The following CAMKMT variants were observed in gnomAD, a reference collection of about 807,000 sequenced individuals.
The protein encoded by CAMKMT is calmodulin-lysine N-methyltransferase.
CAMKMT carries 53 observed loss-of-function variants against 48.0 expected under a neutral mutation model. The observed-to-expected ratio is 1.10, with a 90% CI of 0.89 to 1.39. The LOEUF is 1.39. Ranked by LOEUF, CAMKMT falls within the 40% of genes most tolerant of loss-of-function variation. The probability of loss-of-function intolerance (pLI) is 0.00; values close to 1 mark genes in which losing one functional copy is unlikely to be tolerated. For synonymous variants in CAMKMT, 165 were observed against 152.3 expected (o/e 1.08, Z -0.61); for missense variants, 428 against 402.7 (o/e 1.06, Z -0.54).
At chr2:44,592,330 C>A (rs1404212521) in intron 3 of CAMKMT, among the ~76,000 whole-genome samples, 1 of 151,808 alleles carries the variant, frequency 6.6e-6, no homozygotes, top group Admixed American at 6.6e-5. Context: ...AGAACTTGTG[C>A]CTTCCATTTC....
intron 3 of CAMKMT, among the ~76,000 whole-genome samples, chr2:44,624,645 A>G (rs995552488): frequency 6.6e-6 from 1 of 152,200 alleles, no homozygotes; most frequent in African/African-American, 2.4e-5. Flanking sequence ...TGTTCCTACA[A>G]AGGACATGAA....
chr2:44,452,434 T>C (rs1171434884), intron 3 of CAMKMT, among the ~76,000 whole-genome samples: 1 of 152,050 alleles, frequency 6.6e-6, no homozygotes, highest in African/African-American at 2.4e-5. Flanking sequence ...GTTTGCCACA[T>C]GTGTGCCTGA....
intron 8 of CAMKMT, among the ~76,000 whole-genome samples, chr2:44,752,157 T>G (rs751593283): frequency 6.6e-6 from 1 of 152,074 alleles, no homozygotes; most frequent in Non-Finnish European, 1.5e-5. Flanking sequence ...ATCCTGGATA[T>G]TCCAGTACTG....
At chr2:44,702,789 C>A (rs1308143883) in intron 3 of CAMKMT, among the ~76,000 whole-genome samples, 1 of 152,188 alleles carries the variant, frequency 6.6e-6, no homozygotes, top group East Asian at 1.9e-4. Flanking sequence ...CCTGACTGGG[C>A]TTCCCTGCAA....
intron 3 of CAMKMT, among the ~76,000 whole-genome samples, chr2:44,564,041 G>A (rs913516560): frequency 1.3e-5 from 2 of 152,114 alleles, no homozygotes; most frequent in Non-Finnish European, 1.5e-5. Flanking sequence ...GATCCTTGAG[G>A]AATCGCCAAA....
chr2:44,458,808 T>G (rs1021487074), intron 3 of CAMKMT, among the ~76,000 whole-genome samples: 87 of 152,232 alleles, frequency 5.7e-4, no homozygotes, highest in African/African-American at 2.1e-3. Flanking sequence ...TTAAATTGTT[T>G]AAAAGTGTTT....
At chr2:44,645,543 G>A (rs758049271) in intron 3 of CAMKMT, among the ~76,000 whole-genome samples, 4 of 152,110 alleles carry the variant, frequency 2.6e-5, no homozygotes, top group Non-Finnish European at 5.9e-5. Context: ...AATCTAGACC[G>A]GGCACAATGG....
intron 2 of CAMKMT, among the ~76,000 whole-genome samples, chr2:44,376,419 CAAA>C (rs567674110): frequency 1.6e-4 from 17 of 104,782 alleles, no homozygotes; most frequent in East Asian, 3.0e-4. Context: ...GACTCTGTAT[CAAA>C]AAAAAAAAAA....
chr2:44,645,906 G>T (rs116852891), intron 3 of CAMKMT, among the ~76,000 whole-genome samples: 1 of 152,212 alleles, frequency 6.6e-6, no homozygotes, highest in Non-Finnish European at 1.5e-5. Flanking sequence ...GACTGACAGT[G>T]TCCTACTGAA....
At position 44,381,042 on chromosome 2, in the gene CAMKMT, C is replaced by G. The variant is rs183786504; in HGVS notation, c.311+8154C>G. Among the ~76,000 whole-genome samples the G allele has an allele frequency of 2.6e-3, 397 of 152,166 alleles. 1 individual carries two copies. Among genetic ancestry groups the G allele is most frequent in the African/African-American group, 9.0e-3 (372 of 41,534 alleles). On this transcript the variant is annotated intron_variant, in intron 2 of 10. Coordinates refer to ENST00000378494, the MANE Select transcript of CAMKMT (RefSeq NM_024766.5). The stretch of plus-strand genomic sequence containing the variant: ...GGGAGTGGTGGCAGACACCTGTAAT[C>G]CCAGCTACTCGGGAGGCTGAGGCAG...
intron 3 of CAMKMT, among the ~76,000 whole-genome samples, chr2:44,407,869 T>C (rs1384642681): frequency 6.6e-6 from 1 of 152,144 alleles, no homozygotes; most frequent in Admixed American, 6.5e-5. Flanking sequence ...TCATTGTCTC[T>C]TGCTGCACTT....
At chr2:44,374,857 G>A (rs1001536989) in intron 2 of CAMKMT, among the ~76,000 whole-genome samples, 1 of 151,972 alleles carries the variant, frequency 6.6e-6, no homozygotes, top group Non-Finnish European at 1.5e-5. Context: ...GTTAGTATCT[G>A]TCCACATTAG....
rs571388681 is a variant in CAMKMT, at chr2:44,584,089, G to A, written c.377-120194G>A. On this transcript the variant is annotated intron_variant, in intron 3 of 10. Coordinates refer to ENST00000378494, the MANE Select transcript of CAMKMT (RefSeq NM_024766.5). ...TCCCCAGGCTCCTGGATTGTTTTTC[G>A]AGTTTCAGATAAATGAAATCACATA... Among the ~76,000 whole-genome samples, 7 of 152,114 alleles carry A rather than the reference G, an allele frequency of 4.6e-5. No individual in the cohort carries two copies. The South Asian group carries it at 6.2e-4, about 14-fold the overall frequency.
intron 3 of CAMKMT, among the ~76,000 whole-genome samples, chr2:44,559,644 G>A (rs1345250998): frequency 6.6e-6 from 1 of 152,074 alleles, no homozygotes; most frequent in East Asian, 1.9e-4. Flanking sequence ...GTCTAGTTGA[G>A]CAGACTAGTA....
chr2:44,588,887 C>T (rs1392642733), intron 3 of CAMKMT, among the ~76,000 whole-genome samples: 1 of 21,206 alleles, frequency 4.7e-5, no homozygotes. Context: ...GGTCAGCCCC[C>T]GACCCGGCCA....
At chr2:44,515,749 G>C (rs1342879384) in intron 3 of CAMKMT, among the ~76,000 whole-genome samples, 1 of 152,212 alleles carries the variant, frequency 6.6e-6, no homozygotes, top group Non-Finnish European at 1.5e-5. Flanking sequence ...GCTTAGGTGA[G>C]AAGACAAGTT....
chr2:44,593,588 G>C (rs946438476), intron 3 of CAMKMT, among the ~76,000 whole-genome samples: 5 of 152,040 alleles, frequency 3.3e-5, no homozygotes, highest in Non-Finnish European at 7.4e-5. Flanking sequence ...TTTGTATTCT[G>C]TCTCCCAGGG....
intron 2 of CAMKMT, among the ~76,000 whole-genome samples, chr2:44,382,347 G>T (rs916299300): frequency 6.6e-6 from 1 of 152,088 alleles, no homozygotes; most frequent in African/African-American, 2.4e-5. Flanking sequence ...TAGGCCCAGA[G>T]AAGACAAAGA....
chr2:44,646,329 T>G (rs1209349269), intron 3 of CAMKMT, among the ~76,000 whole-genome samples: 2 of 152,226 alleles, frequency 1.3e-5, no homozygotes, highest in South Asian at 2.1e-4. Flanking sequence ...TTTGTTTTTT[T>G]TTTCAAAAAC....
Sources: allele counts gnomAD v4.1 joint callset (sites outside exome capture counted in the v4.1 genomes callset), GRCh38; gene constraint gnomAD v4.1.1; transcripts MANE v1.5; gene names NCBI Gene and HGNC (gene_info 2026-07-23, HGNC 2026-07-21).